ACAT1: variants seen among roughly 807,000 people sequenced by gnomAD.
The protein encoded by ACAT1 is acetyl-CoA acetyltransferase, mitochondrial.
A neutral mutation model predicts 47.3 loss-of-function variants in ACAT1; 28 were observed. The observed-to-expected ratio is 0.59, with a 90% CI of 0.44 to 0.81. The LOEUF is 0.81. ACAT1 is among the 30% of genes least tolerant of loss of function. The pLI is 0.00. For missense variants in ACAT1, 469 were observed against 524.3 expected (o/e 0.89, Z 1.03); for synonymous variants, 181 against 173.6 (o/e 1.04, Z -0.34).
chr11:108,146,512 A>T (rs2077712927), intron 11 of ACAT1, among the ~76,000 whole-genome samples, 153 bp downstream of exon 11: 1 of 152,224 alleles, frequency 6.6e-6, no homozygotes, highest in African/African-American at 2.4e-5. Context: ...GGTATCCAAT[A>T]CTGAACAGAG....
chr11:108,133,702 G>C, intron 2 of ACAT1, 118 bp from the exon 3 acceptor site: 1 of 819,858 alleles, frequency 1.2e-6, no homozygotes, highest in South Asian at 1.4e-5. Context: ...CAACTATTGA[G>C]ATTAATTTTT....
chr11:108,144,670 A>G (rs750451824), intron 10 of ACAT1, among the ~76,000 whole-genome samples: 92 of 146,826 alleles, frequency 6.3e-4, no homozygotes, highest in Middle Eastern at 3.4e-3. Flanking sequence ...ATTTTAGTAA[A>G]ATCAGATTCT....
intron 5 of ACAT1, among the ~76,000 whole-genome samples, chr11:108,137,784 A>G (rs2077494663): frequency 6.6e-6 from 1 of 151,790 alleles, no homozygotes; most frequent in African/African-American, 2.4e-5. Flanking sequence ...TCTACTAAAA[A>G]TATTATACAA....
chr11:108,133,983 C>A (rs776321178), intron 3 of ACAT1, 46 bp downstream of exon 3: 2 of 1,511,656 alleles, frequency 1.3e-6, no homozygotes. Flanking sequence ...AAAAAGATTC[C>A]ATGGAAAAGA....
chr11:108,129,376 C>CT (rs539531588), intron 1 of ACAT1, among the ~76,000 whole-genome samples: 22 of 149,706 alleles, frequency 1.5e-4, no homozygotes, highest in South Asian at 4.2e-4. Flanking sequence ...CGTGTAACGA[C>CT]TTTTTTTTTT....
chr11:108,129,959 A>G (rs1362034901), intron 1 of ACAT1, among the ~76,000 whole-genome samples: 1 of 152,182 alleles, frequency 6.6e-6, no homozygotes, highest in Admixed American at 6.6e-5. Context: ...CAAACAAAAT[A>G]AATTGCAACT....
At chr11:108,134,126 C>A (rs2077414901) in intron 3 of ACAT1, 95 bp from the exon 4 acceptor site, 1 of 1,275,892 alleles carries the variant, frequency 7.8e-7, no homozygotes, top group Non-Finnish European at 1.1e-6. Context: ...AAAAAGAAAC[C>A]ATTCCTATTG....
At chr11:108,146,820 G>A (rs4754297) in intron 11 of ACAT1, among the ~76,000 whole-genome samples, 41,362 of 152,118 alleles carry the variant, frequency 0.27, 6,908 homozygotes, top group Middle Eastern at 0.53. Context: ...GGTGGCTCAC[G>A]CCTGTAATCC....
At chr11:108,146,094 T>A in intron 10 of ACAT1, 108 bp from the exon 11 acceptor site, 1 of 1,041,568 alleles carries the variant, frequency 9.6e-7, no homozygotes, top group South Asian at 1.4e-5. Flanking sequence ...AACCAAGAAC[T>A]TCCATATTTA....
chr11:108,134,892 C>A (rs1248125558), intron 4 of ACAT1, among the ~76,000 whole-genome samples: 1 of 136,976 alleles, frequency 7.3e-6, no homozygotes, highest in African/African-American at 2.7e-5. Context: ...TTGCAGTGAG[C>A]CCAGATCGCG....
At chr11:108,121,551 T>G (rs1591350040), upstream of ACAT1, 5 of 1,528,120 alleles carry the variant, frequency 3.3e-6, no homozygotes, top group Non-Finnish European at 4.4e-6. Context: ...GGTGCGGGGT[T>G]GGGGAGGAGG....
At chr11:108,134,470 C>T in intron 4 of ACAT1, 154 bp downstream of exon 4, 1 of 550,868 alleles carries the variant, frequency 1.8e-6, no homozygotes, top group South Asian at 1.7e-5. Flanking sequence ...TGGTGAAACC[C>T]CGTCTCTACT....
intron 11 of ACAT1, 28 bp downstream of exon 11, chr11:108,146,387 G>A (rs370702079): frequency 3.0e-5 from 48 of 1,610,118 alleles, no homozygotes; most frequent in Non-Finnish European, 4.0e-5. Context: ...CTATATCTAG[G>A]TTAAGAGCTG....
At chr11:108,125,799 G>A (rs1037259309) in intron 1 of ACAT1, among the ~76,000 whole-genome samples, 2 of 151,980 alleles carry the variant, frequency 1.3e-5, no homozygotes, top group African/African-American at 4.8e-5. Context: ...GGTGGCGGGC[G>A]CTTGTAGTCC....
intron 7 of ACAT1, among the ~76,000 whole-genome samples, chr11:108,140,831 A>T (rs2077569659): frequency 6.6e-6 from 1 of 152,190 alleles, no homozygotes; most frequent in Non-Finnish European, 1.5e-5. Context: ...ACTAGAGCTT[A>T]TCTAGTGTAG....
chr11:108,117,868 C>T (rs1307600470), upstream of ACAT1, among the ~76,000 whole-genome samples: 3 of 152,178 alleles, frequency 2.0e-5, no homozygotes, highest in African/African-American at 7.2e-5. Context: ...TAGAAAGCCA[C>T]TCTGGGTCTC....
At chr11:108,119,647 C>G (rs1407117177), upstream of ACAT1, among the ~76,000 whole-genome samples, 2 of 151,266 alleles carry the variant, frequency 1.3e-5, no homozygotes, top group Non-Finnish European at 3.0e-5. Flanking sequence ...CTGTTTCTCT[C>G]TCTCTCTCTC....
intron 5 of ACAT1, chr11:108,138,648 C>T: frequency 2.2e-6 from 1 of 456,070 alleles, no homozygotes; most frequent in Non-Finnish European, 4.1e-6. Flanking sequence ...CCACCTGCCT[C>T]AGCCTTCTAA....
At chr11:108,126,419 G>T (rs1428810951) in intron 1 of ACAT1, among the ~76,000 whole-genome samples, 1 of 152,208 alleles carries the variant, frequency 6.6e-6, no homozygotes, top group Non-Finnish European at 1.5e-5. Flanking sequence ...AATTTGGAGA[G>T]AAAACCTAGA....
Sources: allele counts gnomAD v4.1 joint callset (sites outside exome capture counted in the v4.1 genomes callset), GRCh38; gene constraint gnomAD v4.1.1; transcripts MANE v1.5; gene names NCBI Gene and HGNC (gene_info 2026-07-23, HGNC 2026-07-21).